The following AKAP19 variants were observed in gnomAD, a reference collection of about 807,000 sequenced individuals.
The protein encoded by AKAP19 is small A-kinase anchoring protein.
the AKAP19 span, among the ~76,000 whole-genome samples, chr2:190,095,932 C>A: frequency 6.6e-6 from 1 of 152,092 alleles, no homozygotes; most frequent in East Asian, 1.9e-4. Flanking sequence ...CAAGAACAAG[C>A]TGGACCCCAC....
chr2:189,902,967 A>T, the AKAP19 span, among the ~76,000 whole-genome samples: 4 of 151,980 alleles, frequency 2.6e-5, no homozygotes, highest in Non-Finnish European at 5.9e-5. Context: ...AAAAAAACTG[A>T]CTAGCCAGTG....
the AKAP19 span, among the ~76,000 whole-genome samples, chr2:189,899,455 T>C: frequency 6.6e-6 from 1 of 152,236 alleles, no homozygotes; most frequent in Non-Finnish European, 1.5e-5. Context: ...TACTCTGTTA[T>C]TATTTTCATT....
chr2:189,954,501 A>C, the AKAP19 span, among the ~76,000 whole-genome samples: 1 of 152,250 alleles, frequency 6.6e-6, no homozygotes, highest in African/African-American at 2.4e-5. Flanking sequence ...CATTAATGGA[A>C]TGCTAAGCAT....
the AKAP19 span, among the ~76,000 whole-genome samples, chr2:190,096,751 CA>C: frequency 2.0e-5 from 3 of 152,072 alleles, no homozygotes; most frequent in Non-Finnish European, 4.4e-5. Context: ...CTGGGAAATC[CA>C]AGATCAAGGC....
chr2:189,952,706 G>C, the AKAP19 span, among the ~76,000 whole-genome samples: 1 of 152,276 alleles, frequency 6.6e-6, no homozygotes, highest in East Asian at 1.9e-4. Context: ...CTTACTGTGT[G>C]CAACTGTAGG....
At chr2:189,916,331 T>TC in the AKAP19 span, among the ~76,000 whole-genome samples, 2,124 of 8,414 alleles carry the variant, frequency 0.25, 50 homozygotes, top group African/African-American at 0.29. Flanking sequence ...TTTTTCTTCT[T>TC]TTTTTTTTTT....
chr2:189,974,480 AGC>A, the AKAP19 span, among the ~76,000 whole-genome samples: 140,848 of 151,828 alleles, frequency 0.93, 65,379 homozygotes, highest in East Asian at 0.97. Flanking sequence ...AGAGTTCTGT[AGC>A]AGTCTATGAG....
chr2:190,171,753 C>G, the AKAP19 span, among the ~76,000 whole-genome samples: 3 of 152,100 alleles, frequency 2.0e-5, no homozygotes, highest in Non-Finnish European at 2.9e-5. Flanking sequence ...GGCAAGAATA[C>G]CCACAAATAG....
At chr2:189,951,411 A>G in the AKAP19 span, among the ~76,000 whole-genome samples, 1 of 151,954 alleles carries the variant, frequency 6.6e-6, no homozygotes, top group African/African-American at 2.4e-5. Flanking sequence ...CATGTTGGCC[A>G]GGGCTGGTCT....
chr2:189,939,572 A>G, the AKAP19 span, among the ~76,000 whole-genome samples: 3 of 152,222 alleles, frequency 2.0e-5, no homozygotes, highest in Non-Finnish European at 4.4e-5. Flanking sequence ...GGATAAGGCA[A>G]GGAACCAGTG....
the AKAP19 span, among the ~76,000 whole-genome samples, chr2:189,977,631 G>A: frequency 6.6e-6 from 1 of 152,122 alleles, no homozygotes; most frequent in Non-Finnish European, 1.5e-5. Context: ...TTTAATTTTG[G>A]TAGTCACATG....
At chr2:190,148,821 A>G in the AKAP19 span, among the ~76,000 whole-genome samples, 1 of 152,072 alleles carries the variant, frequency 6.6e-6, no homozygotes, top group Non-Finnish European at 1.5e-5. Flanking sequence ...GCCTTGAATT[A>G]TCTTTTGTAT....
chr2:189,935,621 C>G, the AKAP19 span, among the ~76,000 whole-genome samples: 1 of 151,968 alleles, frequency 6.6e-6, no homozygotes, highest in Non-Finnish European at 1.5e-5. Context: ...TTTAGTAACA[C>G]AAAGCTATTT....
chr2:190,062,543 A>G, the AKAP19 span: 1 of 1,613,314 alleles, frequency 6.2e-7, no homozygotes, highest in African/African-American at 1.3e-5. Context: ...CCACTGGACC[A>G]GCAACAATCA....
the AKAP19 span, among the ~76,000 whole-genome samples, chr2:190,050,500 C>G: frequency 1.3e-5 from 2 of 152,148 alleles, no homozygotes; most frequent in African/African-American, 4.8e-5. Flanking sequence ...ACTAATAACA[C>G]TAGATATTAA....
chr2:190,047,981 TATA>T, the AKAP19 span, among the ~76,000 whole-genome samples: 1 of 152,184 alleles, frequency 6.6e-6, no homozygotes, highest in Non-Finnish European at 1.5e-5. Flanking sequence ...GGGGTTAAAA[TATA>T]ATGATAGTAG....
chr2:189,893,576 G>A, the AKAP19 span, among the ~76,000 whole-genome samples: 1 of 152,148 alleles, frequency 6.6e-6, no homozygotes, highest in Non-Finnish European at 1.5e-5. Context: ...CCAGTGAAAT[G>A]AGCCGGGTAC....
At chr2:189,943,547 C>T in the AKAP19 span, among the ~76,000 whole-genome samples, 2 of 152,226 alleles carry the variant, frequency 1.3e-5, no homozygotes, top group African/African-American at 4.8e-5. Context: ...AGCCCCCACA[C>T]AGAGTCCCCA....
chr2:189,893,816 A>T, the AKAP19 span, among the ~76,000 whole-genome samples: 103 of 152,350 alleles, frequency 6.8e-4, no homozygotes, highest in African/African-American at 2.4e-3. Context: ...GAGTATGTAC[A>T]TATGTTATAT....
Sources: gnomAD v4.1 joint callset for allele counts (sites outside exome capture counted in the v4.1 genomes callset) on GRCh38, gnomAD v4.1.1 for gene constraint, MANE v1.5 for transcripts, NCBI Gene and HGNC (gene_info 2026-07-23, HGNC 2026-07-21) for gene names.